Variants in TRPC5 observed in about 807,000 individuals in gnomAD.
TRPC5 encodes the protein short transient receptor potential channel 5.
In TRPC5, 9 loss-of-function variants were observed where a neutral mutation model predicts 56.5. The observed-to-expected ratio is 0.16, with a 90% CI of 0.10 to 0.28. TRPC5 has a LOEUF of 0.28. TRPC5 is among the 10% of genes least tolerant of loss of function. TRPC5 has a pLI of 1.00. For missense variants in TRPC5, 469 were observed against 748.9 expected (o/e 0.63, Z 4.36); for synonymous variants, 282 against 278.5 (o/e 1.01, Z -0.13).
chrX:111,909,331 AAAAT>A (rs1191409351), intron 3 of TRPC5, among the ~76,000 whole-genome samples: 7 of 105,296 alleles, frequency 6.6e-5, no homozygotes, highest in Admixed American at 5.2e-4. Context: ...CTCCGTCTCA[AAAAT>A]AAATAAATAA....
chrX:111,916,559 T>C (rs1220937092), intron 2 of TRPC5, among the ~76,000 whole-genome samples: 1 of 111,875 alleles, frequency 8.9e-6, no homozygotes, highest in African/African-American at 3.3e-5. Flanking sequence ...TAATAATCTA[T>C]CTAAAATGCA....
chrX:111,888,181 T>C (rs1475122778), intron 3 of TRPC5, among the ~76,000 whole-genome samples: 2 of 111,378 alleles, frequency 1.8e-5, no homozygotes, highest in Non-Finnish European at 3.8e-5. Context: ...ATTTGAGGAA[T>C]GACAGACCAG....
Position 111,924,151 on chromosome X carries a change from G to C in TRPC5, c.379-11339C>G, listed in dbSNP as rs763061191. 1.7e-4 allele frequency among the ~76,000 whole-genome samples: 19 copies of C among 111,805 alleles called. No individual in the cohort carries two copies. In the South Asian group the frequency reaches 7.1e-3, roughly 42 times the overall value. On this transcript the variant is annotated intron_variant, in intron 2 of 10. Transcript: ENST00000262839. ...GGCTGAGAACCCAGATATAGAGACA[G>C]TATCATTGGAGGGCCAGGGTAACCA...
At chrX:111,827,082 C>T (rs1254707175) in intron 7 of TRPC5, among the ~76,000 whole-genome samples, 1 of 111,357 alleles carries the variant, frequency 9.0e-6, no homozygotes, top group African/African-American at 3.3e-5. Flanking sequence ...CAGACAGTAC[C>T]ACTTACTAGC....
In TRPC5 at chrX:112,002,747, A is replaced by G. The variant is rs193008752; in HGVS notation, c.-21-50306T>C. ...TACCCCGCATGTCTTAGAAGCATCA[A>G]AAAGTAAATACACAACATGCTTTAA... On this transcript the variant is annotated intron_variant, in intron 1 of 10. Coordinates refer to ENST00000262839, the MANE Select transcript of TRPC5 (RefSeq NM_012471.3). 4.5e-5 allele frequency among the ~76,000 whole-genome samples: 5 copies of G among 112,074 alleles called. No individual in the cohort carries two copies. In the East Asian group the frequency reaches 1.4e-3, roughly 32 times the overall value.
chrX:111,880,949 G>A lies in TRPC5; in HGVS notation c.901-26843C>T, dbSNP rs761632595. On this transcript the variant is annotated intron_variant, in intron 3 of 10. Coordinates refer to ENST00000262839, the MANE Select transcript of TRPC5 (RefSeq NM_012471.3). Reference sequence around the variant, plus strand: ...TGGAACTGATAACTAACTGTGGAGAGTTCATAGGTTCTACAAATGCTCAAA... The same window carrying A: ...TGGAACTGATAACTAACTGTGGAGAATTCATAGGTTCTACAAATGCTCAAA... Among the ~76,000 whole-genome samples the A allele has an allele frequency of 4.5e-5, 5 of 111,449 alleles. No individual in the cohort carries two copies. The South Asian group carries it at 1.9e-3, about 42-fold the overall frequency.
intron 5 of TRPC5, among the ~76,000 whole-genome samples, chrX:111,848,431 A>G (rs189525003): frequency 1.5e-3 from 167 of 112,328 alleles, no homozygotes; most frequent in Admixed American, 0.014. Context: ...TGTGTACTCC[A>G]TAAGTGGAGA....
chrX:111,888,720 G>GAAAGA (rs1197355115), intron 3 of TRPC5, among the ~76,000 whole-genome samples: 6 of 76,185 alleles, frequency 7.9e-5, no homozygotes, highest in South Asian at 6.2e-4. Flanking sequence ...AAAAAAAAAA[G>GAAAGA]AAAGAAAAGA....
In TRPC5 at chrX:112,005,463, T is replaced by TAA. The variant is rs745973541; in HGVS notation, c.-21-53024_-21-53023dup. ...GTACCCCTGAAACTGAACCTAAAAGTAAAAAAAAAAAAAAAAAAATATCTT... is the reference window on the plus strand; with the variant it reads ...GTACCCCTGAAACTGAACCTAAAAGTAAAAAAAAAAAAAAAAAAAAATATCTT... On this transcript the variant is annotated intron_variant, in intron 1 of 10. Transcript: ENST00000262839. Among the ~76,000 whole-genome samples the TAA allele has an allele frequency of 6.5e-4, 43 of 66,369 alleles. 1 individual carries two copies. The highest frequency in any genetic ancestry group is 2.4e-3 in the African/African-American group (41 of 16,866). 57.6% of individuals were successfully genotyped at this position (66,369 alleles called of 115,157 possible).
intron 1 of TRPC5, among the ~76,000 whole-genome samples, chrX:111,986,511 A>C (rs1928216131): frequency 9.1e-6 from 1 of 110,329 alleles, no homozygotes; most frequent in Non-Finnish European, 1.9e-5. Context: ...TGGTGGGAGT[A>C]AGTTCTGAGA....
intron 3 of TRPC5, among the ~76,000 whole-genome samples, chrX:111,857,187 T>C (rs746823848): frequency 1.1e-3 from 118 of 111,989 alleles, no homozygotes; most frequent in African/African-American, 3.6e-3. Flanking sequence ...GGGTGGAGGA[T>C]GGATTAGAAG....
chrX:111,874,435 G>T (rs972355554), intron 3 of TRPC5, among the ~76,000 whole-genome samples: 2 of 111,996 alleles, frequency 1.8e-5, no homozygotes, highest in Non-Finnish European at 1.9e-5. Flanking sequence ...GACCGTAGGG[G>T]CCCTGGTAGC....
rs1054175051 is a variant in TRPC5 at position 111,929,839 on chromosome X, G to A, written c.379-17027C>T. 2.7e-5 allele frequency among the ~76,000 whole-genome samples: 3 copies of A among 112,030 alleles called. No homozygotes were observed. In the Admixed American group the frequency reaches 2.8e-4, roughly 11 times the overall value. ...TGTCTCCAGCTACCCAACAGTTGAGGGATGAAGTCAATATGAGAATTCCAC... is the reference window on the plus strand; with the variant it reads ...TGTCTCCAGCTACCCAACAGTTGAGAGATGAAGTCAATATGAGAATTCCAC... On this transcript the variant is annotated intron_variant, in intron 2 of 10. Coordinates refer to ENST00000262839, the MANE Select transcript of TRPC5 (RefSeq NM_012471.3).
In TRPC5 at chrX:111,836,501, C is replaced by A. The variant is rs748395101; in HGVS notation, c.1701-1385G>T. On this transcript the variant is annotated intron_variant, in intron 6 of 10. Coordinates refer to ENST00000262839, the MANE Select transcript of TRPC5 (RefSeq NM_012471.3). ...CTGCCCCCTGATCTTTACACAGCTG[C>A]CTTCTTATCATCAAGGTCTCAGCTC... 2.7e-5 allele frequency among the ~76,000 whole-genome samples: 3 copies of A among 111,746 alleles called. No homozygotes were observed. The South Asian group carries it at 1.1e-3, about 43-fold the overall frequency.
At chrX:111,905,787 C>T (rs912499373) in intron 3 of TRPC5, among the ~76,000 whole-genome samples, 83 of 108,719 alleles carry the variant, frequency 7.6e-4, no homozygotes, top group Middle Eastern at 9.5e-3. Flanking sequence ...TGGTGGCGGG[C>T]GCCTGTAGTC....
At chrX:111,881,043 T>C (rs1300123256) in intron 3 of TRPC5, among the ~76,000 whole-genome samples, 2 of 112,280 alleles carry the variant, frequency 1.8e-5, no homozygotes, top group African/African-American at 6.5e-5. Flanking sequence ...TCTTCTAAAA[T>C]GCCAATTGCA....
chrX:111,853,803 C>T lies in TRPC5; in HGVS notation c.1204G>A (p.Val402Ile). 2.5e-6 allele frequency: 3 copies of T among 1,211,873 alleles called. No homozygotes were observed. The highest frequency in any genetic ancestry group is 3.3e-6 in the Non-Finnish European group (3 of 895,547). Residue 402 changes from valine (V) to isoleucine (I), a missense_variant, in exon 4 of 11, where the codon GTC (valine) becomes ATC (isoleucine). Val to Ile is a conservative substitution (Grantham distance 29). Coordinates refer to ENST00000262839, the MANE Select transcript of TRPC5 (RefSeq NM_012471.3). ...CAAGGCAATATCATCCATTCCACGA[C>T]AGTTGGGGGAGGCCCCTGTACATGA... ...DLHVQGPPPTVVEWMILPWVL... is the reference protein window; with the variant it reads ...DLHVQGPPPTIVEWMILPWVL...
intron 1 of TRPC5, among the ~76,000 whole-genome samples, chrX:112,054,718 C>T (rs896876998): frequency 3.6e-5 from 4 of 111,262 alleles, no homozygotes; most frequent in African/African-American, 1.3e-4. Flanking sequence ...GCCTATAGAA[C>T]ATAACCACTC....
chrX:111,803,933 T>C (rs1921405722), intron 7 of TRPC5, among the ~76,000 whole-genome samples: 1 of 112,296 alleles, frequency 8.9e-6, no homozygotes, highest in African/African-American at 3.2e-5. Context: ...CCCATGCCTA[T>C]GTCCTGAATG....
Sources: gnomAD v4.1 joint callset for allele counts (sites outside exome capture counted in the v4.1 genomes callset) on GRCh38, gnomAD v4.1.1 for gene constraint, MANE v1.5 for transcripts, NCBI Gene and HGNC (gene_info 2026-07-23, HGNC 2026-07-21) for gene names.